Variants in NRDC observed in about 807,000 individuals in gnomAD.
The protein encoded by NRDC is nardilysin.
In NRDC, 54 loss-of-function variants were observed where a neutral mutation model predicts 147.1. The ratio of observed to expected loss-of-function variants is 0.37; its 90% CI spans 0.29 to 0.46. The LOEUF is 0.46. NRDC is among the 20% of genes least tolerant of loss of function. The probability of loss-of-function intolerance (pLI) is 1.00; values close to 1 mark genes in which losing one functional copy is unlikely to be tolerated. For synonymous variants in NRDC, 440 were observed against 482.1 expected (o/e 0.91, Z 1.14); for missense variants, 1,082 against 1,370.6 (o/e 0.79, Z 3.33).
At chr1:51,842,161 G>C (rs1445891779) in intron 1 of NRDC, among the ~76,000 whole-genome samples, 5 of 151,142 alleles carry the variant, frequency 3.3e-5, no homozygotes, top group Non-Finnish European at 7.4e-5. Context: ...TGAAAAATGA[G>C]ACCCTGTCCC....
At chr1:51,825,229 T>C (rs2149211593) in intron 6 of NRDC, 58 bp downstream of exon 6, 4 of 1,138,688 alleles carry the variant, frequency 3.5e-6, no homozygotes, top group Non-Finnish European at 5.1e-6. Context: ...TATCAACTTT[T>C]CTTATTCTAA....
intron 1 of NRDC, among the ~76,000 whole-genome samples, chr1:51,873,251 G>C (rs1001033832): frequency 8.6e-5 from 13 of 151,856 alleles, no homozygotes; most frequent in Non-Finnish European, 4.4e-5. Context: ...CTCAGTATAC[G>C]TGCTGCCAAA....
chr1:51,814,433 T>C (rs1020206372), intron 13 of NRDC, 118 bp downstream of exon 13: 10 of 910,206 alleles, frequency 1.1e-5, no homozygotes, highest in East Asian at 4.9e-5. Context: ...ATAAAGGAAA[T>C]AGAGCAGAAA....
intron 4 of NRDC, among the ~76,000 whole-genome samples, chr1:51,828,893 A>C (rs1680577081): frequency 1.3e-5 from 2 of 151,886 alleles, no homozygotes; most frequent in Non-Finnish European, 2.9e-5. Flanking sequence ...TAAATCTTTA[A>C]ATTTTTTATA....
At chr1:51,857,927 G>T (rs1390978427) in intron 1 of NRDC, among the ~76,000 whole-genome samples, 2 of 152,120 alleles carry the variant, frequency 1.3e-5, no homozygotes, top group African/African-American at 4.8e-5. Context: ...GGAAATATTG[G>T]ATCCTTAGTA....
chr1:51,878,306 C>A lies in NRDC; in HGVS notation c.310G>T (p.Val104Phe), dbSNP rs149170952. ...SLSNAGDPEIVKSPSDPKQYR... is the reference protein window; with the variant it reads ...SLSNAGDPEIFKSPSDPKQYR... ...TGCTTGGGGTCGCTGGGAGACTTGA[C>A]GATCTCAGGGTCCCCAGCATTACTG... The change falls in exon 1 of 31, where the codon GTC becomes TTC. Residue 104 changes from valine (V) to phenylalanine (F), a missense_variant. This residue lies in a region of NRDC where 260 missense variants were observed against 253.2 expected (regional missense o/e 1.03). Coordinates refer to ENST00000352171, the MANE Select transcript of NRDC (RefSeq NM_001101662.2). 6.2e-7 allele frequency: 1 copy of A among 1,613,750 alleles called. No individual in the cohort carries two copies. The highest frequency in any genetic ancestry group is 8.5e-7 in the Non-Finnish European group (1 of 1,179,718).
At chr1:51,833,246 A>AGGCC (rs1680797568) in intron 4 of NRDC, among the ~76,000 whole-genome samples, 1 of 152,112 alleles carries the variant, frequency 6.6e-6, no homozygotes, top group African/African-American at 2.4e-5. Context: ...GGATCACTTG[A>AGGCC]GGCCAGGAGT....
chr1:51,812,481 T>C (rs1461458341), intron 14 of NRDC, among the ~76,000 whole-genome samples: 2 of 151,810 alleles, frequency 1.3e-5, no homozygotes, highest in Non-Finnish European at 2.9e-5. Context: ...TGAGCTGAGA[T>C]CGTGCCACCA....
At chr1:51,801,514 ATACTAGTCTTTTGAC>A (rs1429458550) in intron 20 of NRDC, among the ~76,000 whole-genome samples, 1 of 152,146 alleles carries the variant, frequency 6.6e-6, no homozygotes, top group Non-Finnish European at 1.5e-5. Context: ...TGATTCTGAT[ATACTAGTCTTTTGAC>A]CAGCCATATC....
Position 51,790,500 on chromosome 1 carries a change from G to A in NRDC, c.3168+33C>T, listed in dbSNP as rs1008842226. 6 of 1,375,736 alleles carry A rather than the reference G, an allele frequency of 4.4e-6. No individual in the cohort carries two copies. In the African/African-American group the frequency reaches 7.1e-5, roughly 16 times the overall value. 85.2% of individuals were successfully genotyped at this position (1,375,736 alleles called of 1,614,324 possible). On this transcript the variant is annotated intron_variant, in intron 29 of 30. Coordinates refer to ENST00000352171, the MANE Select transcript of NRDC (RefSeq NM_001101662.2). ...CCTGTAGAATCAGGAACCTTGACCA[G>A]TTTGAGCTGTCTTACTCTGAAAACC...
intron 1 of NRDC, among the ~76,000 whole-genome samples, chr1:51,858,592 T>C (rs1682377446): frequency 6.6e-6 from 1 of 152,156 alleles, no homozygotes; most frequent in South Asian, 2.1e-4. Flanking sequence ...AACGATATCC[T>C]GGATAAAATG....
At chr1:51,806,200 C>G (rs957198177) in intron 18 of NRDC, among the ~76,000 whole-genome samples, 27 of 151,816 alleles carry the variant, frequency 1.8e-4, no homozygotes, top group Admixed American at 1.3e-3. Flanking sequence ...TAACTCTATA[C>G]TATGCTTCCT....
At chr1:51,791,510 A>C (rs1678653074) in intron 27 of NRDC, 68 bp downstream of exon 27, 3 of 1,333,914 alleles carry the variant, frequency 2.2e-6, no homozygotes, top group Admixed American at 1.7e-5. Context: ...AGGTTTAAGG[A>C]AACACATGTA....
intron 1 of NRDC, among the ~76,000 whole-genome samples, chr1:51,852,942 G>A (rs1682047171): frequency 1.3e-5 from 2 of 151,980 alleles, no homozygotes; most frequent in African/African-American, 4.8e-5. Flanking sequence ...AAGAATTCCT[G>A]GCCAGGCACG....
At chr1:51,821,650 A>AAC (rs1680211206) in intron 7 of NRDC, 95 bp from the exon 8 acceptor site, 15 of 874,534 alleles carry the variant, frequency 1.7e-5, no homozygotes, top group Non-Finnish European at 2.8e-5. Flanking sequence ...TTAGCTAAAA[A>AAC]ACAAAGGGAT....
intron 27 of NRDC, 105 bp downstream of exon 27, chr1:51,791,473 G>A (rs1019705070): frequency 1.2e-5 from 11 of 884,368 alleles, no homozygotes; most frequent in Non-Finnish European, 1.7e-5. Flanking sequence ...ACTAAATAGA[G>A]CAAACCTGCT....
chr1:51,828,578 C>T (rs1680556238), intron 4 of NRDC, among the ~76,000 whole-genome samples: 1 of 151,950 alleles, frequency 6.6e-6, no homozygotes, highest in Admixed American at 6.6e-5. Flanking sequence ...TATCAAATTA[C>T]ATATACAAAT....
At chr1:51,803,336 G>A (rs1412832625) in intron 20 of NRDC, among the ~76,000 whole-genome samples, 1 of 152,114 alleles carries the variant, frequency 6.6e-6, no homozygotes, top group Non-Finnish European at 1.5e-5. Flanking sequence ...TTAGCTGGGT[G>A]TGGTGGTGCG....
rs3841790 is a variant in NRDC, at chr1:51,840,524, GA to G, written c.342-11del. The G allele has an allele frequency of 1.0e-3, 1,519 of 1,456,652 alleles. 1 individual carries two copies. The highest frequency in any genetic ancestry group is 3.0e-3 in the African/African-American group (208 of 69,054). The allele number at this position is 1,456,652 out of a possible 1,614,324, so 90.2% of individuals were successfully genotyped here. A position where few individuals can be genotyped will look rare whatever the true frequency, so the allele number is the denominator to read the frequency against. On this transcript the variant is annotated splice_polypyrimidine_tract_variant and intron_variant, in intron 1 of 30. Transcript: ENST00000352171. Reference sequence around the variant, plus strand: ...CTGTAATTTGATGTATCTGGGGGGAGAAAAAAAAAATCACACATTTTGATTC... The same window carrying G: ...CTGTAATTTGATGTATCTGGGGGGAGAAAAAAAAATCACACATTTTGATTC...
Sources: allele counts gnomAD v4.1 joint callset (sites outside exome capture counted in the v4.1 genomes callset), GRCh38; gene constraint gnomAD v4.1.1; regional missense constraint gnomAD v4.1.1; transcripts MANE v1.5; gene names NCBI Gene and HGNC (gene_info 2026-07-23, HGNC 2026-07-21).